Variants in UTP4 observed in about 807,000 individuals in gnomAD.
UTP4 encodes UTP4 small subunit processome component.
In UTP4, 45 loss-of-function variants were observed where a neutral mutation model predicts 82.4. That is an observed-to-expected ratio of 0.55 (90% confidence interval 0.43 to 0.70). The LOEUF is 0.70. Ranked by LOEUF, UTP4 falls within the 30% of genes least tolerant of loss-of-function variation. The probability of loss-of-function intolerance (pLI) is 0.00; values close to 1 mark genes in which losing one functional copy is unlikely to be tolerated. For missense variants in UTP4, 819 were observed against 858.3 expected (o/e 0.95, Z 0.57); for synonymous variants, 348 against 300.3 (o/e 1.16, Z -1.64).
chr16:69,136,913 A>T, intron 3 of UTP4, 26 bp downstream of exon 3: 1 of 1,604,872 alleles, frequency 6.2e-7, no homozygotes, highest in Non-Finnish European at 8.5e-7. Context: ...TTGGTAATTC[A>T]AACCAAAATT....
At position 69,143,225 on chromosome 16, in the gene UTP4, T is replaced by G. The variant is rs747617840; in HGVS notation, c.574T>G (p.Ser192Ala). The change falls in exon 6 of 17, where the codon TCT becomes GCT. Residue 192 changes from serine to alanine, a missense_variant. Transcript: ENST00000314423. The part of the protein sequence containing the change: ...MIVDRQYMGV[S>A]KRKCIVWGVA... ...TGTGGACAGGCAGTATATGGGCGTG[T>G]CTAAGCGGAAGTGCATCGTGTGGGG... 24 of 1,614,124 alleles carry G rather than the reference T, an allele frequency of 1.5e-5. No individual in the cohort carries two copies. Among genetic ancestry groups the G allele is most frequent in the Non-Finnish European group, 2.0e-5 (24 of 1,180,048 alleles).
rs117901870 is a variant in UTP4 at position 69,144,528 on chromosome 16, C to T, written c.738+1139C>T. 4.3e-4 allele frequency among the ~76,000 whole-genome samples: 66 copies of T among 152,278 alleles called. No homozygotes were observed. The East Asian group carries it at 9.7e-3, about 22-fold the overall frequency. On this transcript the variant is annotated intron_variant, in intron 6 of 16. Transcript: ENST00000314423. ...CGTAAATATTGTAGAGGAATGGTAA[C>T]GTGAATTCTCATTCAGAAACCTTTG...
intron 13 of UTP4, 131 bp downstream of exon 13, chr16:69,160,593 CTTTTCTTTTT>C (rs770815145): frequency 3.7e-4 from 248 of 664,396 alleles, no homozygotes; most frequent in Non-Finnish European, 5.5e-4. Context: ...ATTTTCTTTT[CTTTTCTTTTT>C]TTTTTTTTTT....
At chr16:69,139,749 T>G (rs1272312941) in intron 4 of UTP4, 76 bp from the exon 5 acceptor site, 4 of 922,128 alleles carry the variant, frequency 4.3e-6, no homozygotes, top group Non-Finnish European at 7.3e-6. Context: ...TAGAGATAGT[T>G]GTGGGAAGAG....
chr16:69,146,240 G>A (rs1963104825), intron 6 of UTP4, among the ~76,000 whole-genome samples: 1 of 152,126 alleles, frequency 6.6e-6, no homozygotes, highest in Non-Finnish European at 1.5e-5. Flanking sequence ...TTGTTGTACA[G>A]CTATCACCAC....
In UTP4 at chr16:69,133,637, T is replaced by C. The variant is rs1334089847; in HGVS notation, c.159+19T>C. ...GGAGAAAGTAAGTCATTTGGGAGTC[T>C]GATATGGTGTTTTGATGTTAATTTC... On this transcript the variant is annotated intron_variant, in intron 2 of 16. Coordinates refer to ENST00000314423, the MANE Select transcript of UTP4 (RefSeq NM_032830.3). 5.0e-6 allele frequency: 8 copies of C among 1,612,518 alleles called. No homozygotes were observed. The highest frequency in any genetic ancestry group is 2.2e-5 in the East Asian group (1 of 44,878).
Position 69,133,515 on chromosome 16 carries a change from T to G in UTP4, c.56T>G (p.Ile19Ser). ...TTCTTTAATTATGTTCCATCAGGAA[T>G]CCGCTGTGTGGCTTACAATAACCAG... is the stretch of plus-strand genomic sequence containing the variant. ...VRFFNYVPSGIRCVAYNNQSN... is the reference protein window; with the variant it reads ...VRFFNYVPSGSRCVAYNNQSN... The change falls in exon 2 of 17, where the codon ATC becomes AGC. Residue 19 changes from isoleucine to serine, a missense_variant. Coordinates refer to ENST00000314423, the MANE Select transcript of UTP4 (RefSeq NM_032830.3). 1 of 1,614,188 alleles carries G rather than the reference T, an allele frequency of 6.2e-7. No homozygotes were observed. Among genetic ancestry groups the G allele is most frequent in the Non-Finnish European group, 8.5e-7 (1 of 1,180,014 alleles).
intron 6 of UTP4, among the ~76,000 whole-genome samples, chr16:69,146,654 A>G (rs1233698428): frequency 1.3e-5 from 2 of 152,100 alleles, no homozygotes; most frequent in Non-Finnish European, 2.9e-5. Flanking sequence ...TGAGGTCAGG[A>G]GTTCGAGACC....
chr16:69,137,368 G>A (rs1415155938), intron 3 of UTP4, among the ~76,000 whole-genome samples: 2 of 152,166 alleles, frequency 1.3e-5, no homozygotes, highest in African/African-American at 2.4e-5. Context: ...ATTAGAGTGG[G>A]TGCTTCCAGA....
intron 2 of UTP4, among the ~76,000 whole-genome samples, chr16:69,134,660 G>A (rs948408405): frequency 4.0e-5 from 6 of 150,630 alleles, no homozygotes; most frequent in Admixed American, 6.6e-5. Flanking sequence ...ATGCGCTGGC[G>A]TGTGCTTATT....
intron 13 of UTP4, among the ~76,000 whole-genome samples, chr16:69,160,675 C>T (rs543622611): frequency 1.5e-4 from 22 of 150,690 alleles, no homozygotes; most frequent in Middle Eastern, 3.4e-3. Flanking sequence ...CGGCTCACTG[C>T]AACCTCAGCC....
chr16:69,145,946 A>G (rs1223859236), intron 6 of UTP4, among the ~76,000 whole-genome samples: 2 of 152,078 alleles, frequency 1.3e-5, no homozygotes, highest in African/African-American at 4.8e-5. Flanking sequence ...TGATTCATAC[A>G]AGTATGAAAT....
intron 11 of UTP4, among the ~76,000 whole-genome samples, 183 bp from the exon 12 acceptor site, chr16:69,156,901 A>G (rs1309403965): frequency 2.0e-5 from 3 of 152,218 alleles, no homozygotes; most frequent in African/African-American, 4.8e-5. Flanking sequence ...AGAAGTGAAT[A>G]TTTAGTAAAG....
chr16:69,157,029 G>T, intron 11 of UTP4, 55 bp from the exon 12 acceptor site: 1 of 1,588,436 alleles, frequency 6.3e-7, no homozygotes, highest in African/African-American at 1.3e-5. Context: ...GATTGTTTCT[G>T]ATGGGCTGTA....
At chr16:69,139,680 AAAT>A (rs1454586714) in intron 4 of UTP4, 142 bp from the exon 5 acceptor site, 3 of 321,794 alleles carry the variant, frequency 9.3e-6, no homozygotes, top group African/African-American at 6.8e-5. Context: ...ATAAATAAAT[AAAT>A]AAAATGGTGC....
intron 9 of UTP4, 63 bp from the exon 10 acceptor site, chr16:69,154,330 A>G (rs1368863771): frequency 1.6e-5 from 21 of 1,336,406 alleles, no homozygotes; most frequent in Non-Finnish European, 2.1e-5. Flanking sequence ...AACTTTTTAG[A>G]AGAAAAATGT....
chr16:69,157,138 G>C lies in UTP4; in HGVS notation c.1342G>C (p.Asp448His), dbSNP rs775931648. ...TGCCCTTCAGATTTTGTTTTCTGAA[G>C]ATTCAACAAAGCTCTTTGTAGCATC... ...RSALQILFSE[D>H]STKLFVASNQ... Residue 448 changes from aspartate (D) to histidine (H), a missense_variant, in exon 12 of 17, where the codon GAT becomes CAT. By Grantham distance (81) the Asp-to-His change is moderately conservative. Coordinates refer to ENST00000314423, the MANE Select transcript of UTP4 (RefSeq NM_032830.3). 3.5e-5 allele frequency: 57 copies of C among 1,614,068 alleles called. 1 individual carries two copies. The highest frequency in any genetic ancestry group is 4.7e-5 in the Non-Finnish European group (55 of 1,180,042).
chr16:69,147,371 G>T (rs1048739456), intron 6 of UTP4, among the ~76,000 whole-genome samples: 4 of 151,666 alleles, frequency 2.6e-5, no homozygotes, highest in African/African-American at 9.7e-5. Flanking sequence ...TGGGCGTGGC[G>T]GTATGCGCCT....
chr16:69,157,317 C>A, intron 12 of UTP4, 77 bp downstream of exon 12: 1 of 1,447,124 alleles, frequency 6.9e-7, no homozygotes, highest in South Asian at 1.2e-5. Flanking sequence ...GCCTCCATGT[C>A]GGGGGTTCCC....
Sources: gnomAD v4.1 joint callset for allele counts (sites outside exome capture counted in the v4.1 genomes callset) on GRCh38, gnomAD v4.1.1 for gene constraint, MANE v1.5 for transcripts, NCBI Gene and HGNC (gene_info 2026-07-23, HGNC 2026-07-21) for gene names.